The following DNAH9 variants were observed in gnomAD, a reference collection of about 807,000 sequenced individuals.
DNAH9 encodes the protein dynein axonemal heavy chain 9.
A neutral mutation model predicts 471.6 loss-of-function variants in DNAH9; 345 were observed. That is an observed-to-expected ratio of 0.73 (90% CI 0.67 to 0.80). The LOEUF (loss-of-function observed/expected upper bound fraction) is 0.80. DNAH9 is among the 30% of genes least tolerant of loss of function. The pLI is 0.00. For synonymous variants in DNAH9, 2,093 were observed against 2,123.6 expected (o/e 0.99, Z 0.40); for missense variants, 5,407 against 5,609.2 (o/e 0.96, Z 1.15).
intron 67 of DNAH9, among the ~76,000 whole-genome samples, chr17:11,946,124 C>T (rs1176423300): frequency 2.9e-5 from 4 of 140,134 alleles, no homozygotes; most frequent in South Asian, 2.4e-4. Context: ...AGTTTGAACC[C>T]GGGAGGTGGA....
intron 31 of DNAH9, among the ~76,000 whole-genome samples, chr17:11,747,135 G>A (rs1015125925): frequency 6.6e-6 from 1 of 152,104 alleles, no homozygotes; most frequent in Non-Finnish European, 1.5e-5. Flanking sequence ...CTAAGTTGTG[G>A]GGACTTGTAA....
At chr17:11,631,472 C>G (rs186742502) in intron 7 of DNAH9, among the ~76,000 whole-genome samples, 3 of 151,864 alleles carry the variant, frequency 2.0e-5, no homozygotes, top group Non-Finnish European at 4.4e-5. Flanking sequence ...AGTGAAACCC[C>G]GTCTCAATTA....
At chr17:11,797,513 C>T in intron 42 of DNAH9, 84 bp from the exon 43 acceptor site, 1 of 1,149,110 alleles carries the variant, frequency 8.7e-7, no homozygotes. Flanking sequence ...AGGGAATGTG[C>T]AGAGCAAATC....
intron 49 of DNAH9, among the ~76,000 whole-genome samples, chr17:11,841,143 TTC>T (rs1197307118): frequency 1.3e-5 from 2 of 152,236 alleles, no homozygotes; most frequent in Non-Finnish European, 2.9e-5. Context: ...GAAATGACTT[TTC>T]AAATTCTCAC....
intron 19 of DNAH9, among the ~76,000 whole-genome samples, chr17:11,683,584 T>G (rs1249318424): frequency 6.6e-6 from 1 of 152,236 alleles, no homozygotes; most frequent in African/African-American, 2.4e-5. Context: ...ATTGGTGTGC[T>G]TTTGTGTCTG....
At chr17:11,905,947 C>A in intron 61 of DNAH9, 138 bp downstream of exon 61, 1 of 1,188,196 alleles carries the variant, frequency 8.4e-7, no homozygotes, top group Non-Finnish European at 1.1e-6. Flanking sequence ...AGGGTCATTG[C>A]TGAAATAAAA....
At chr17:11,804,779 A>C (rs1969603982) in intron 43 of DNAH9, among the ~76,000 whole-genome samples, 1 of 151,660 alleles carries the variant, frequency 6.6e-6, no homozygotes, top group Non-Finnish European at 1.5e-5. Flanking sequence ...GAGGCTGAGG[A>C]AGGGGAATGG....
At chr17:11,861,621 A>C (rs1336885454) in intron 50 of DNAH9, among the ~76,000 whole-genome samples, 1 of 150,336 alleles carries the variant, frequency 6.7e-6, no homozygotes, top group African/African-American at 2.4e-5. Context: ...CAATGGTTGA[A>C]CTAGTTTACA....
At chr17:11,636,883 A>G (rs2073177004) in intron 9 of DNAH9, 99 bp downstream of exon 9, 2 of 1,124,146 alleles carry the variant, frequency 1.8e-6, no homozygotes, top group Admixed American at 2.0e-5. Context: ...ATGGATCCAT[A>G]CATTCTCAAA....
At chr17:11,829,291 T>G (rs1409740771) in intron 48 of DNAH9, among the ~76,000 whole-genome samples, 1 of 152,088 alleles carries the variant, frequency 6.6e-6, no homozygotes, top group African/African-American at 2.4e-5. Flanking sequence ...TTATGAGAGG[T>G]TTTGATGCTA....
At chr17:11,735,553 C>T (rs746943826) in intron 28 of DNAH9, among the ~76,000 whole-genome samples, 10 of 151,980 alleles carry the variant, frequency 6.6e-5, no homozygotes, top group Non-Finnish European at 7.4e-5. Flanking sequence ...CTCCTGCCTC[C>T]GCCTCCCAAG....
At chr17:11,767,170 C>T (rs1967984644) in intron 36 of DNAH9, among the ~76,000 whole-genome samples, 1 of 152,144 alleles carries the variant, frequency 6.6e-6, no homozygotes, top group Non-Finnish European at 1.5e-5. Context: ...AGCATCGGGG[C>T]TGAGGAAACA....
chr17:11,954,769 T>TTAA lies in DNAH9; in HGVS notation c.12844-7098_12844-7097insTAA, dbSNP rs1555529414. The stretch of plus-strand genomic sequence containing the variant: ...TGGGCAACACGGCAAGACTTCGTCT[T>TTAA]AAAAAAAAAAAAAAAAAAAGAGAGA... On this transcript the variant is annotated intron_variant, in intron 67 of 68. Transcript: ENST00000262442. Among the ~76,000 whole-genome samples the TTAA allele has an allele frequency of 1.3e-3, 154 of 118,726 alleles. 1 individual carries two copies. Among genetic ancestry groups the TTAA allele is most frequent in the Middle Eastern group, 4.7e-3 (1 of 212 alleles). 77.9% of individuals were successfully genotyped at this position (118,726 alleles called of 152,430 possible). A position where few individuals can be genotyped will look rare whatever the true frequency, so the allele number is the denominator to read the frequency against.
At chr17:11,907,530 C>T (rs1291749361) in intron 61 of DNAH9, among the ~76,000 whole-genome samples, 3 of 152,020 alleles carry the variant, frequency 2.0e-5, no homozygotes, top group Non-Finnish European at 2.9e-5. Flanking sequence ...TGTCTGACCC[C>T]CCCTTCCCAT....
chr17:11,728,102 CCTT>C (rs2075189326), intron 28 of DNAH9, 180 bp downstream of exon 28: 4 of 583,766 alleles, frequency 6.9e-6, no homozygotes, highest in South Asian at 2.1e-5. Context: ...AAATGGGTAT[CCTT>C]CTGTTACCCA....
intron 22 of DNAH9, among the ~76,000 whole-genome samples, chr17:11,694,861 C>CT (rs1567725997): frequency 4.5e-3 from 2 of 444 alleles, no homozygotes; most frequent in African/African-American, 7.1e-3. Context: ...TCCTTCCTTC[C>CT]TTCCTTCCTT....
At chr17:11,883,850 C>A in intron 56 of DNAH9, 100 bp downstream of exon 56, 1 of 1,297,442 alleles carries the variant, frequency 7.7e-7, no homozygotes, top group Admixed American at 2.7e-5. Context: ...AGAAAAATGT[C>A]AAAGTAACAC....
rs1974560736 is a variant in DNAH9, at chr17:11,932,733, G to T, written c.12297+528G>T. Among the ~76,000 whole-genome samples, 1 of 152,136 alleles carries T rather than the reference G, an allele frequency of 6.6e-6. No individual in the cohort carries two copies. Among genetic ancestry groups the T allele is most frequent in the African/African-American group, 2.4e-5 (1 of 41,440 alleles). The stretch of plus-strand genomic sequence containing the variant: ...GGTGAGAGCCATGGACGCTCAGGAA[G>T]TCTAACTAGAGACTCACACAGTGAG... On this transcript the variant is annotated intron_variant, in intron 64 of 68. Coordinates refer to ENST00000262442, the MANE Select transcript of DNAH9 (RefSeq NM_001372.4). The surrounding 1 kb of genome is among the most constrained non-coding windows in gnomAD (Gnocchi z 4.3).
At position 11,705,071 on chromosome 17, in the gene DNAH9, G is replaced by C. The variant is rs780340730; in HGVS notation, c.5438G>C (p.Arg1813Pro). The C allele has an allele frequency of 8.1e-6, 13 of 1,614,030 alleles. No individual in the cohort carries two copies. The Admixed American group carries it at 8.3e-5, about 10-fold the overall frequency. The change falls in exon 26 of 69, where the codon CGT (arginine) becomes CCT (proline). Residue 1813 changes from arginine (R) to proline (P), a missense_variant. Physicochemically the swap from Arg to Pro is moderately radical, Grantham distance 103 (BLOSUM62 -2). Around this residue, in one of 3 missense-constraint regions of DNAH9, gnomAD observed 4,636 missense variants for 4,900.3 expected, o/e 0.95. Transcript: ENST00000262442. ...AFLWLSQLRH[R>P]WDDEVKHCFA... ...CTCTGGCTGTCTCAGCTGCGCCATC[G>C]TTGGGATGACGAGGTCAAACACTGC... is the stretch of plus-strand genomic sequence containing the variant.
Sources: allele counts gnomAD v4.1 joint callset (sites outside exome capture counted in the v4.1 genomes callset), GRCh38; gene constraint gnomAD v4.1.1; regional missense constraint gnomAD v4.1.1; non-coding constraint Gnocchi (gnomAD v3.1); transcripts MANE v1.5; gene names NCBI Gene and HGNC (gene_info 2026-07-23, HGNC 2026-07-21).